The following GRB10 variants were observed in gnomAD, a reference collection of about 807,000 sequenced individuals.
GRB10 encodes growth factor receptor-bound protein 10.
Under a neutral mutation model 80.9 loss-of-function variants are expected in GRB10, and 20 were observed. The ratio of observed to expected loss-of-function variants is 0.25; its 90% CI spans 0.17 to 0.36. The LOEUF is 0.36. Among genes scored for constraint, GRB10 ranks in the 10% least tolerant of loss-of-function variants. The pLI, the probability that GRB10 is intolerant of heterozygous loss-of-function variation, is 1.00. For missense variants in GRB10, 548 were observed against 747.7 expected (o/e 0.73, Z 3.12); for synonymous variants, 291 against 291.5 (o/e 1.00, Z 0.02).
intron 5 of GRB10, among the ~76,000 whole-genome samples, chr7:50,676,848 T>A: frequency 6.6e-6 from 1 of 152,046 alleles, no homozygotes; most frequent in South Asian, 2.1e-4. Context: ...TTTAGCCAGA[T>A]CACGCTCAAG....
chr7:50,601,287 G>A (rs893426515), intron 17 of GRB10, among the ~76,000 whole-genome samples: 1 of 152,232 alleles, frequency 6.6e-6, no homozygotes, highest in Non-Finnish European at 1.5e-5. Flanking sequence ...CAGGGCATGT[G>A]CCTTATTTCA....
intron 11 of GRB10, 53 bp downstream of exon 11, chr7:50,616,157 G>C (rs1009085768): frequency 1.2e-6 from 2 of 1,610,648 alleles, no homozygotes; most frequent in African/African-American, 1.3e-5. Context: ...GAGGACCTGG[G>C]GGGAGTGACT....
intron 4 of GRB10, among the ~76,000 whole-genome samples, chr7:50,707,929 C>T (rs1296575331): frequency 6.6e-6 from 1 of 152,202 alleles, no homozygotes; most frequent in East Asian, 1.9e-4. Flanking sequence ...TCCACTGAGA[C>T]ATCTATTTAG....
chr7:50,615,980 T>C (rs755561669), intron 11 of GRB10, among the ~76,000 whole-genome samples: 1 of 152,196 alleles, frequency 6.6e-6, no homozygotes, highest in Non-Finnish European at 1.5e-5. Flanking sequence ...GGGGTGGGGC[T>C]AGGCAGGTGG....
intron 5 of GRB10, among the ~76,000 whole-genome samples, chr7:50,685,265 T>C (rs2061984892): frequency 6.6e-6 from 1 of 152,226 alleles, no homozygotes; most frequent in Admixed American, 6.5e-5. Flanking sequence ...CTCGATGCAG[T>C]GACGTCTTAA....
chr7:50,767,116 T>C (rs1357625893), intron 2 of GRB10, among the ~76,000 whole-genome samples: 2 of 152,200 alleles, frequency 1.3e-5, no homozygotes, highest in African/African-American at 4.8e-5. Context: ...TTTTAATGAG[T>C]GTGCATGATC....
chr7:50,682,650 T>C (rs538669546), intron 5 of GRB10, among the ~76,000 whole-genome samples: 2 of 152,378 alleles, frequency 1.3e-5, no homozygotes, highest in Admixed American at 6.5e-5. Context: ...TGTCACTTTA[T>C]AGCAGTGGTT....
chr7:50,727,941 C>T (rs2068919144), intron 4 of GRB10: 1 of 152,158 alleles, frequency 6.6e-6, no homozygotes, highest in Admixed American at 6.5e-5. Flanking sequence ...TAAAGCCATG[C>T]AGGTGAATAG....
chr7:50,791,260 T>C (rs778576298), intron 1 of GRB10, among the ~76,000 whole-genome samples: 3 of 152,164 alleles, frequency 2.0e-5, no homozygotes, highest in Non-Finnish European at 2.9e-5. Flanking sequence ...TGTATTTAAA[T>C]GTAAAAAGTG....
At chr7:50,742,137 TG>T (rs1158365831) in intron 3 of GRB10, among the ~76,000 whole-genome samples, 1 of 152,154 alleles carries the variant, frequency 6.6e-6, no homozygotes, top group Non-Finnish European at 1.5e-5. Context: ...TGGACTTGGA[TG>T]GAAGAACCAA....
At chr7:50,704,629 A>C (rs752947278) in intron 4 of GRB10, among the ~76,000 whole-genome samples, 2 of 152,256 alleles carry the variant, frequency 1.3e-5, no homozygotes, top group African/African-American at 4.8e-5. Context: ...GAACTGTGCC[A>C]AAAGTATAAG....
At chr7:50,738,777 AT>A (rs1282285031) in intron 3 of GRB10, among the ~76,000 whole-genome samples, 1 of 152,090 alleles carries the variant, frequency 6.6e-6, no homozygotes, top group African/African-American at 2.4e-5. Flanking sequence ...CTTTCTGTCT[AT>A]AATAACTAAA....
intron 7 of GRB10, among the ~76,000 whole-genome samples, chr7:50,641,539 C>T (rs2056270901): frequency 6.6e-6 from 1 of 152,218 alleles, no homozygotes; most frequent in African/African-American, 2.4e-5. Flanking sequence ...GGACTTTCTT[C>T]AGGCCAGAGG....
chr7:50,750,996 G>A (rs149839402), intron 3 of GRB10, among the ~76,000 whole-genome samples: 263 of 152,302 alleles, frequency 1.7e-3, no homozygotes, highest in African/African-American at 5.7e-3. Context: ...GGTCCACAGT[G>A]GCTTGCTTGG....
intron 3 of GRB10, among the ~76,000 whole-genome samples, chr7:50,735,998 TACTA>T (rs1336819216): frequency 1.4e-4 from 22 of 152,280 alleles, no homozygotes; most frequent in African/African-American, 5.3e-4. Flanking sequence ...TTTCAAAACT[TACTA>T]ACGGCTGGGC....
At chr7:50,779,384 C>A (rs1352775257) in intron 2 of GRB10, 1 of 152,202 alleles carries the variant, frequency 6.6e-6, no homozygotes, top group Non-Finnish European at 1.5e-5. Context: ...TATTTTCAGA[C>A]ATTGTTAATA....
chr7:50,736,555 G>C (rs1249128684), intron 3 of GRB10, among the ~76,000 whole-genome samples: 1 of 152,198 alleles, frequency 6.6e-6, no homozygotes, highest in African/African-American at 2.4e-5. Flanking sequence ...TACTTTGGGA[G>C]GCAGAGACAG....
At chr7:50,676,777 C>G (rs1390456591) in intron 5 of GRB10, among the ~76,000 whole-genome samples, 1 of 150,582 alleles carries the variant, frequency 6.6e-6, no homozygotes, top group Non-Finnish European at 1.5e-5. Flanking sequence ...ATGGAGTGGG[C>G]AGGGTCACCC....
rs923964061 is a variant in GRB10 at position 50,758,271 on chromosome 7, C to T, written c.-216-2215G>A. Among the ~76,000 whole-genome samples, 6 of 152,086 alleles carry T rather than the reference C, an allele frequency of 3.9e-5. No individual in the cohort carries two copies. In the South Asian group the frequency reaches 1.2e-3, roughly 32 times the overall value. On this transcript the variant is annotated intron_variant, in intron 2 of 18. Coordinates refer to ENST00000401949, the MANE Select transcript of GRB10 (RefSeq NM_001350814.2). ...AGACCAGCACACTTCACACGCTGAC[C>T]CGGACCACTGGACAGAAGTTACAGA...
Sources: gnomAD v4.1 joint callset for allele counts (sites outside exome capture counted in the v4.1 genomes callset) on GRCh38, gnomAD v4.1.1 for gene constraint, MANE v1.5 for transcripts, NCBI Gene and HGNC (gene_info 2026-07-23, HGNC 2026-07-21) for gene names.